HHIP: variants seen among roughly 807,000 people sequenced by gnomAD.
HHIP encodes hedgehog interacting protein.
HHIP carries 12 observed loss-of-function variants against 74.0 expected under a neutral mutation model. The ratio of observed to expected loss-of-function variants is 0.16; its 90% CI spans 0.10 to 0.26. HHIP has a LOEUF of 0.26. Ranked by LOEUF, HHIP falls within the 10% of genes least tolerant of loss-of-function variation. HHIP has a pLI of 1.00. For missense variants in HHIP, 788 were observed against 845.0 expected (o/e 0.93, Z 0.84); for synonymous variants, 309 against 311.6 (o/e 0.99, Z 0.09).
Position 144,711,926 on chromosome 4 carries a change from T to C in HHIP, c.1302-24T>C, listed in dbSNP as rs112509986. ...TGGAAAAGATCACGGTAGGAATTAA[T>C]GTGTATCCCCTCTTGTTATGCAGAT... is the stretch of plus-strand genomic sequence containing the variant. On this transcript the variant is annotated intron_variant, in intron 7 of 12. Coordinates refer to ENST00000296575, the MANE Select transcript of HHIP (RefSeq NM_022475.3). 1,071 of 1,607,194 alleles carry C rather than the reference T, an allele frequency of 6.7e-4. 7 individuals carry two copies. In the African/African-American group the frequency reaches 0.012, roughly 18 times the overall value.
intron 11 of HHIP, among the ~76,000 whole-genome samples, chr4:144,721,948 A>C (rs1730652273): frequency 6.6e-6 from 1 of 151,964 alleles, no homozygotes; most frequent in Non-Finnish European, 1.5e-5. Context: ...AAAGGAATTA[A>C]GTTTGCCTCC....
At chr4:144,719,137 C>T (rs1324622317) in intron 11 of HHIP, among the ~76,000 whole-genome samples, 181 bp downstream of exon 11, 1 of 152,084 alleles carries the variant, frequency 6.6e-6, no homozygotes, top group African/African-American at 2.4e-5. Context: ...TGACTGATGC[C>T]ACTATGCAGA....
chr4:144,714,357 C>T lies in HHIP; in HGVS notation c.1547+9C>T, dbSNP rs1333634603. 1.2e-6 allele frequency: 2 copies of T among 1,612,892 alleles called. No individual in the cohort carries two copies. The highest frequency in any genetic ancestry group is 4.5e-5 in the East Asian group (2 of 44,806). ...TTTGGAGATCGTAATGGGTAGGTTT[C>T]CTGATACCACAACAGTATGATATAC... On this transcript the variant is annotated intron_variant, in intron 9 of 12. Coordinates refer to ENST00000296575, the MANE Select transcript of HHIP (RefSeq NM_022475.3).
At chr4:144,705,952 A>G (rs568186394) in intron 4 of HHIP, among the ~76,000 whole-genome samples, 1 of 152,318 alleles carries the variant, frequency 6.6e-6, no homozygotes, top group South Asian at 2.1e-4. Context: ...TCATTTCTAG[A>G]TAGATAGGCA....
At position 144,646,673 on chromosome 4, in the gene HHIP, A is replaced by G; in HGVS notation, c.-3A>G. 2 of 1,613,540 alleles carry G rather than the reference A, an allele frequency of 1.2e-6. No homozygotes were observed. Among genetic ancestry groups the G allele is most frequent in the Non-Finnish European group, 1.7e-6 (2 of 1,179,600 alleles). Reference sequence around the variant, plus strand: ...GCCCAGCCCCTGCTGCTCTGGGCAGACGATGCTGAAGATGCTCTCCTTTAA... The same window carrying G: ...GCCCAGCCCCTGCTGCTCTGGGCAGGCGATGCTGAAGATGCTCTCCTTTAA... On this transcript the variant is annotated 5_prime_UTR_variant, in exon 1 of 13. Coordinates refer to ENST00000296575, the MANE Select transcript of HHIP (RefSeq NM_022475.3).
At chr4:144,659,399 A>G (rs1454698712) in intron 3 of HHIP, among the ~76,000 whole-genome samples, 1 of 152,218 alleles carries the variant, frequency 6.6e-6, no homozygotes, top group Non-Finnish European at 1.5e-5. Flanking sequence ...TTGAAAATAT[A>G]TACATGTTTT....
intron 4 of HHIP, among the ~76,000 whole-genome samples, chr4:144,685,260 T>C (rs778850631): frequency 4.6e-5 from 7 of 152,182 alleles, no homozygotes; most frequent in Non-Finnish European, 8.8e-5. Context: ...TCCATTTAAT[T>C]TGTCACCAAA....
rs1469739407 is a variant in HHIP, at chr4:144,743,269, TC to T, written c.*5313del. ...TCCTAGCTGCTATGGAAAGGTTTGTTCACTTATGAGATTAGGACTTTTCTTA... is the reference window on the plus strand; with the variant it reads ...TCCTAGCTGCTATGGAAAGGTTTGTTACTTATGAGATTAGGACTTTTCTTA... On this transcript the variant is annotated 3_prime_UTR_variant, in exon 13 of 13. Transcript: ENST00000296575. The T allele has an allele frequency of 6.6e-6, 1 of 151,484 alleles. No individual in the cohort carries two copies. Among genetic ancestry groups the T allele is most frequent in the Non-Finnish European group, 1.5e-5 (1 of 67,854 alleles). 9.4% of individuals were successfully genotyped at this position (151,484 alleles called of 1,614,324 possible). A position where few individuals can be genotyped will look rare whatever the true frequency, so the allele number is the denominator to read the frequency against.
chr4:144,696,401 A>G (rs1351252107), intron 4 of HHIP, among the ~76,000 whole-genome samples: 1 of 151,922 alleles, frequency 6.6e-6, no homozygotes, highest in Non-Finnish European at 1.5e-5. Context: ...TGACTAAATC[A>G]TTTAATTTAA....
chr4:144,723,334 C>T (rs1730690641), intron 11 of HHIP, among the ~76,000 whole-genome samples: 1 of 152,134 alleles, frequency 6.6e-6, no homozygotes, highest in African/African-American at 2.4e-5. Context: ...AACTGCCCCT[C>T]ATTCCTCTTC....
At chr4:144,683,517 T>C (rs1312596518) in intron 4 of HHIP, among the ~76,000 whole-genome samples, 1 of 152,214 alleles carries the variant, frequency 6.6e-6, no homozygotes, top group Non-Finnish European at 1.5e-5. Flanking sequence ...GTAAATTTAA[T>C]TGCATTTAAA....
At chr4:144,715,117 C>A in intron 9 of HHIP, 183 bp from the exon 10 acceptor site, 2 of 508,292 alleles carry the variant, frequency 3.9e-6, no homozygotes, top group East Asian at 3.2e-5. Context: ...TCTTTAAGTA[C>A]TTTCTCCGCA....
At position 144,700,770 on chromosome 4, in the gene HHIP, A is replaced by C. The variant is rs201327415; in HGVS notation, c.832-5761A>C. On this transcript the variant is annotated intron_variant, in intron 4 of 12. Transcript: ENST00000296575. ...CTGCCAACATTTATTATAACCTGTG[A>C]GACCCATGTTGAACTCTAATCTACA... is the stretch of plus-strand genomic sequence containing the variant. 1.6e-4 allele frequency among the ~76,000 whole-genome samples: 25 copies of C among 152,364 alleles called. No individual in the cohort carries two copies. In the East Asian group the frequency reaches 4.8e-3, roughly 29 times the overall value.
At chr4:144,664,871 C>T (rs986939981) in intron 4 of HHIP, among the ~76,000 whole-genome samples, 5 of 152,116 alleles carry the variant, frequency 3.3e-5, no homozygotes, top group Non-Finnish European at 7.4e-5. Context: ...AGTCATAATG[C>T]CTCATCTAAA....
chr4:144,714,316 G>A lies in HHIP; in HGVS notation c.1515G>A (p.Leu505=). 1 of 1,613,480 alleles carries A rather than the reference G, an allele frequency of 6.2e-7. No individual in the cohort carries two copies. The highest frequency in any genetic ancestry group is 8.5e-7 in the Non-Finnish European group (1 of 1,179,594). ...ACCGGGGCTGCCAGTCAGAAAGATT[G>A]TATGGAAGCTACGTGTTTGGAGATC... The part of the protein sequence containing the change: ...FVYRGCQSER[L]YGSYVFGDRN... Residue 505 remains leucine (L), a synonymous_variant, in exon 9 of 13, where the codon TTG becomes TTA. Coordinates refer to ENST00000296575, the MANE Select transcript of HHIP (RefSeq NM_022475.3).
At chr4:144,718,988 T>C (rs1730549432) in intron 11 of HHIP, 32 bp downstream of exon 11, 1 of 1,305,386 alleles carries the variant, frequency 7.7e-7, no homozygotes, top group Non-Finnish European at 1.1e-6. Flanking sequence ...TTAAGTCAAG[T>C]AATTTTCTTC....
At chr4:144,728,567 CAG>C (rs1245805813) in intron 11 of HHIP, among the ~76,000 whole-genome samples, 2 of 151,978 alleles carry the variant, frequency 1.3e-5, no homozygotes, top group Non-Finnish European at 2.9e-5. Context: ...ATTCTAGTAT[CAG>C]AGTTATTTAA....
At chr4:144,717,272 T>G (rs1174914962) in intron 10 of HHIP, among the ~76,000 whole-genome samples, 3 of 152,200 alleles carry the variant, frequency 2.0e-5, no homozygotes, top group African/African-American at 7.2e-5. Context: ...ATATTATTTT[T>G]TTAACTATAA....
chr4:144,686,999 A>G (rs1475937184), intron 4 of HHIP, among the ~76,000 whole-genome samples: 2 of 151,890 alleles, frequency 1.3e-5, no homozygotes, highest in Non-Finnish European at 3.0e-5. Flanking sequence ...GCCCCATGAC[A>G]GAGTGGCTTA....
Sources: gnomAD v4.1 joint callset for allele counts (sites outside exome capture counted in the v4.1 genomes callset) on GRCh38, gnomAD v4.1.1 for gene constraint, MANE v1.5 for transcripts, NCBI Gene and HGNC (gene_info 2026-07-23, HGNC 2026-07-21) for gene names.